The following ZC3H12B variants were observed in gnomAD, a reference collection of about 807,000 sequenced individuals.
ZC3H12B encodes the protein zinc finger CCCH-type containing 12B.
ZC3H12B carries 7 observed loss-of-function variants against 43.9 expected under a neutral mutation model. The ratio of observed to expected loss-of-function variants is 0.16; its 90% confidence interval spans 0.09 to 0.30. The LOEUF is 0.30. Ranked by LOEUF, ZC3H12B falls within the 10% of genes least tolerant of loss-of-function variation. The pLI, the probability that ZC3H12B is intolerant of heterozygous loss-of-function variation, is 1.00. For missense variants in ZC3H12B, 475 were observed against 670.2 expected, an observed-to-expected ratio of 0.71 and a Z score of 3.22; for synonymous variants, 222 against 241.7, an observed-to-expected ratio of 0.92 and a Z score of 0.76.
the ZC3H12B span, among the ~76,000 whole-genome samples, chrX:65,200,934 C>T: frequency 4.5e-5 from 5 of 111,234 alleles, no homozygotes; most frequent in African/African-American, 1.3e-4. Context: ...ATGCTGGATT[C>T]GGTTTGCCAG....
At chrX:65,496,306 G>A (rs1022908936) in intron 1 of ZC3H12B, among the ~76,000 whole-genome samples, 151 of 112,042 alleles carry the variant, frequency 1.3e-3, no homozygotes, top group African/African-American at 4.3e-3. Context: ...GAGCATTTAT[G>A]TGCATATCTT....
the ZC3H12B span, among the ~76,000 whole-genome samples, chrX:65,166,710 T>C: frequency 1.8e-5 from 2 of 111,464 alleles, no homozygotes; most frequent in Non-Finnish European, 3.8e-5. Flanking sequence ...GCACCTGGTG[T>C]TTCTTGACTT....
the ZC3H12B span, among the ~76,000 whole-genome samples, chrX:65,117,557 T>C: frequency 8.9e-6 from 1 of 111,948 alleles, no homozygotes; most frequent in African/African-American, 3.2e-5. Context: ...CAGAAGCTCT[T>C]TAGTTTAATT....
At chrX:65,153,299 C>A in the ZC3H12B span, among the ~76,000 whole-genome samples, 3 of 111,574 alleles carry the variant, frequency 2.7e-5, no homozygotes, top group Admixed American at 9.5e-5. Flanking sequence ...AACAGGCAAC[C>A]TACAGAATGG....
the ZC3H12B span, among the ~76,000 whole-genome samples, chrX:65,244,657 G>A: frequency 1.2e-5 from 1 of 84,719 alleles, no homozygotes; most frequent in Admixed American, 1.7e-4. Flanking sequence ...TTGAGCCTGG[G>A]AAATTGAGGC....
chrX:65,212,870 G>C, the ZC3H12B span, among the ~76,000 whole-genome samples: 6 of 106,006 alleles, frequency 5.7e-5, no homozygotes, highest in African/African-American at 1.7e-4. Context: ...GTACTGGATA[G>C]TCTGTAAATA....
chrX:65,169,514 AT>A, the ZC3H12B span, among the ~76,000 whole-genome samples: 5 of 111,858 alleles, frequency 4.5e-5, no homozygotes, highest in African/African-American at 1.6e-4. Flanking sequence ...TATTCTGTTG[AT>A]TTGGGGTGGA....
At chrX:65,064,610 G>A in the ZC3H12B span, among the ~76,000 whole-genome samples, 1 of 111,477 alleles carries the variant, frequency 9.0e-6, no homozygotes, top group African/African-American at 3.3e-5. Flanking sequence ...TGAGGAGAAT[G>A]TATATTCTGT....
the ZC3H12B span, among the ~76,000 whole-genome samples, chrX:65,213,965 A>C: frequency 1.8e-5 from 2 of 110,861 alleles, no homozygotes; most frequent in Non-Finnish European, 3.8e-5. Context: ...AGTCACATGA[A>C]TATTGTGATT....
chrX:65,479,310 C>T (rs1202307871), intron 3 of ZC3H12B, among the ~76,000 whole-genome samples: 6 of 111,107 alleles, frequency 5.4e-5, no homozygotes, highest in South Asian at 7.6e-4. Context: ...CTGTTCTTAC[C>T]GAGGTTCAGC....
chrX:65,061,297 C>A, the ZC3H12B span, among the ~76,000 whole-genome samples: 2 of 111,082 alleles, frequency 1.8e-5, no homozygotes, highest in African/African-American at 3.3e-5. Context: ...GATATTTCTC[C>A]TAATGCTATC....
chrX:65,299,102 A>T, the ZC3H12B span, among the ~76,000 whole-genome samples: 109 of 111,950 alleles, frequency 9.7e-4, 1 homozygote, highest in African/African-American at 3.3e-3. Flanking sequence ...CCATATCAAC[A>T]GGTGACTGTA....
the ZC3H12B span, among the ~76,000 whole-genome samples, chrX:65,105,639 A>C: frequency 9.0e-6 from 1 of 111,035 alleles, no homozygotes; most frequent in Admixed American, 9.6e-5. Context: ...AATCTGGGGA[A>C]ATTTGTTTTC....
intron 2 of ZC3H12B, among the ~76,000 whole-genome samples, chrX:65,374,793 T>C (rs2066322280): frequency 9.0e-6 from 1 of 110,984 alleles, no homozygotes; most frequent in Non-Finnish European, 1.9e-5. Flanking sequence ...CATGTCCTTC[T>C]TCACATGGCA....
the ZC3H12B span, among the ~76,000 whole-genome samples, chrX:65,177,639 A>G: frequency 8.9e-6 from 1 of 111,939 alleles, no homozygotes; most frequent in African/African-American, 3.2e-5. Context: ...CCAGTAATAG[A>G]CAAATAGCCA....
chrX:65,385,451 G>T (rs1194810572), intron 2 of ZC3H12B, among the ~76,000 whole-genome samples: 2 of 111,304 alleles, frequency 1.8e-5, no homozygotes, highest in Non-Finnish European at 3.8e-5. Context: ...CTGTCTGTTT[G>T]CCTGTTATTG....
the ZC3H12B span, among the ~76,000 whole-genome samples, chrX:65,226,110 A>T: frequency 1.8e-5 from 2 of 111,786 alleles, no homozygotes; most frequent in South Asian, 7.5e-4. Context: ...AAAAAATGTT[A>T]AGGGCAGCCA....
the ZC3H12B span, among the ~76,000 whole-genome samples, chrX:65,268,382 C>A: frequency 3.4e-4 from 38 of 111,522 alleles, no homozygotes; most frequent in African/African-American, 1.2e-3. Flanking sequence ...AAAAAGAGAG[C>A]TACAGGGAAC....
chrX:65,167,700 G>T, the ZC3H12B span, among the ~76,000 whole-genome samples: 1 of 111,832 alleles, frequency 8.9e-6, no homozygotes, highest in African/African-American at 3.2e-5. Flanking sequence ...CCATTTGTTT[G>T]TGTCCTCTTT....
Sources: allele counts gnomAD v4.1 joint callset (sites outside exome capture counted in the v4.1 genomes callset), GRCh38; gene constraint gnomAD v4.1.1; transcripts MANE v1.5; gene names NCBI Gene and HGNC (gene_info 2026-07-23, HGNC 2026-07-21).